Variants in TKFC observed in about 807,000 individuals in gnomAD.
The protein encoded by TKFC is triokinase and FMN cyclase.
In TKFC, 46 loss-of-function variants were observed where a neutral mutation model predicts 61.0. That is an observed-to-expected ratio of 0.75 (90% CI 0.60 to 0.96). The LOEUF (loss-of-function observed/expected upper bound fraction) is 0.96. Among genes scored for constraint, TKFC ranks in the 50% least tolerant of loss-of-function variants. TKFC has a pLI of 0.00. For missense variants in TKFC, 715 were observed against 777.5 expected (o/e 0.92, Z 0.96); for synonymous variants, 314 against 330.1 (o/e 0.95, Z 0.53).
At chr11:61,342,045 G>T in intron 7 of TKFC, 133 bp downstream of exon 7, 1 of 885,030 alleles carries the variant, frequency 1.1e-6, no homozygotes. Flanking sequence ...GTCATTTGAG[G>T]CCCAGCCTGG....
At chr11:61,350,161 C>G, downstream of TKFC, 1 of 595,908 alleles carries the variant, frequency 1.7e-6, no homozygotes, top group East Asian at 2.8e-5. Context: ...CCAAGGAAAG[C>G]AGACAGGCAG....
intron 10 of TKFC, 83 bp from the exon 11 acceptor site, chr11:61,343,259 C>T: frequency 7.6e-7 from 1 of 1,313,184 alleles, no homozygotes; most frequent in Non-Finnish European, 1.1e-6. Context: ...AGAGCCCCAG[C>T]TTCCAAGGTC....
chr11:61,338,005 C>T lies in TKFC; in HGVS notation c.68C>T (p.Ala23Val). ...GATGACGCTCTTGCTGGCCTGGTGGCCTGCAACCCCAACCTGCAGCTCCTG... is the reference window on the plus strand; with the variant it reads ...GATGACGCTCTTGCTGGCCTGGTGGTCTGCAACCCCAACCTGCAGCTCCTG... ...CADDALAGLV[A>V]CNPNLQLLQG... Residue 23 changes from alanine to valine, a missense_variant, in exon 3 of 18, where the codon GCC becomes GTC. Ala to Val is a moderately conservative substitution (Grantham distance 64). Coordinates refer to ENST00000394900, the MANE Select transcript of TKFC (RefSeq NM_015533.4). 2 of 1,613,556 alleles carry T rather than the reference C, an allele frequency of 1.2e-6. No individual in the cohort carries two copies. The highest frequency in any genetic ancestry group is 1.7e-6 in the Non-Finnish European group (2 of 1,179,802).
At chr11:61,343,621 G>A in intron 11 of TKFC, 163 bp downstream of exon 11, 1 of 849,518 alleles carries the variant, frequency 1.2e-6, no homozygotes, top group South Asian at 1.7e-5. Flanking sequence ...GCTCTCACTG[G>A]ACTAGAAGGA....
chr11:61,333,271 C>T lies in TKFC; in HGVS notation c.-168C>T. 1 of 277,748 alleles carries T rather than the reference C, an allele frequency of 3.6e-6. No individual in the cohort carries two copies. Among genetic ancestry groups the T allele is most frequent in the Non-Finnish European group, 6.7e-6 (1 of 149,178 alleles). The allele number at this position is 277,748 out of a possible 1,614,324, so 17.2% of individuals were successfully genotyped here. On this transcript the variant is annotated 5_prime_UTR_variant, in exon 1 of 18. Coordinates refer to ENST00000394900, the MANE Select transcript of TKFC (RefSeq NM_015533.4). Reference sequence around the variant, plus strand: ...CGGATGAGAGCGCACGCTTCGGGGTCTCCGGGAAGTCGCGGCGCCTTCGGA... The same window carrying T: ...CGGATGAGAGCGCACGCTTCGGGGTTTCCGGGAAGTCGCGGCGCCTTCGGA...
At chr11:61,350,218 G>C (rs981467823), downstream of TKFC, 1 of 752,316 alleles carries the variant, frequency 1.3e-6, no homozygotes, top group African/African-American at 1.8e-5. Context: ...AAGCCACCAA[G>C]GAAAGCAGAC....
In TKFC at chr11:61,347,052, C is replaced by A. The variant is rs75355437; in HGVS notation, c.*549C>A. The A allele has an allele frequency of 0.012, 11,988 of 985,792 alleles. 871 individuals carry two copies. The African/African-American group carries it at 0.16, about 13-fold the overall frequency. 61.1% of individuals were successfully genotyped at this position (985,792 alleles called of 1,614,324 possible). ...TACCTGAGCCCCTAAGGCAGTGTCTCCTCAGCTGGGCTGCTTCCACTGAGA... is the reference window on the plus strand; with the variant it reads ...TACCTGAGCCCCTAAGGCAGTGTCTACTCAGCTGGGCTGCTTCCACTGAGA... On this transcript the variant is annotated 3_prime_UTR_variant, in exon 18 of 18. Coordinates refer to ENST00000394900, the MANE Select transcript of TKFC (RefSeq NM_015533.4).
At chr11:61,344,368 T>C in intron 13 of TKFC, 95 bp downstream of exon 13, 2 of 1,458,486 alleles carry the variant, frequency 1.4e-6, no homozygotes, top group South Asian at 1.4e-5. Flanking sequence ...CCTTTTTTTT[T>C]TTTTTTTTTT....
rs754613255 is a variant in TKFC at position 61,334,736 on chromosome 11, G to C, written c.3+5G>C. 6.2e-7 allele frequency: 1 copy of C among 1,614,122 alleles called. No homozygotes were observed. Among genetic ancestry groups the C allele is most frequent in the Non-Finnish European group, 8.5e-7 (1 of 1,179,992 alleles). ...TTTCAGAGCCTCCACACCATGGTGA[G>C]TCATACAGGGCCGGGACGGGAATGG... On this transcript the variant is annotated splice_donor_5th_base_variant and intron_variant, in intron 2 of 17. Coordinates refer to ENST00000394900, the MANE Select transcript of TKFC (RefSeq NM_015533.4).
chr11:61,339,543 CT>C (rs887679588), intron 5 of TKFC, 108 bp downstream of exon 5: 154 of 1,282,278 alleles, frequency 1.2e-4, no homozygotes, highest in Non-Finnish European at 1.5e-4. Flanking sequence ...GAAGCTAGTT[CT>C]TTTTCTCCAG....
chr11:61,346,121 G>A lies in TKFC; in HGVS notation c.1575+175G>A, dbSNP rs972124868. ...TTATGTGGCTAAGGAAATATGTAGA[G>A]CCCCGCACACTGCCTGGGATGTGAC... On this transcript the variant is annotated intron_variant, in intron 17 of 17. Transcript: ENST00000394900. The surrounding 1 kb of genome is among the most constrained non-coding windows in gnomAD (Gnocchi z 4.1). The A allele has an allele frequency of 2.4e-5, 28 of 1,158,256 alleles. No individual in the cohort carries two copies. The Admixed American group carries it at 6.8e-4, about 28-fold the overall frequency. 71.7% of individuals were successfully genotyped at this position (1,158,256 alleles called of 1,614,324 possible). A position where few individuals can be genotyped will look rare whatever the true frequency, so the allele number is the denominator to read the frequency against.
intron 9 of TKFC, 43 bp downstream of exon 9, chr11:61,342,701 T>C (rs773334286): frequency 1.9e-5 from 30 of 1,613,212 alleles, no homozygotes; most frequent in African/African-American, 2.7e-5. Context: ...CTCCTAAACC[T>C]CTGGGGAGGA....
rs1856961580 is a variant in TKFC, at chr11:61,343,386, A to G, written c.910A>G (p.Met304Val). The G allele has an allele frequency of 1.2e-6, 2 of 1,613,958 alleles. No homozygotes were observed. The highest frequency in any genetic ancestry group is 1.7e-5 in the Admixed American group (1 of 60,004). Residue 304 changes from methionine to valine, a missense_variant, in exon 11 of 18, where the codon ATG becomes GTG. Coordinates refer to ENST00000394900, the MANE Select transcript of TKFC (RefSeq NM_015533.4). Reference protein sequence around the residue: ...KIARALVGTFMSALEMPGISL... With the variant: ...KIARALVGTFVSALEMPGISL... Reference sequence around the variant, plus strand: ...TGCCCGTGCCCTGGTGGGCACCTTCATGTCAGCACTGGAGATGCCTGGCAT... The same window carrying G: ...TGCCCGTGCCCTGGTGGGCACCTTCGTGTCAGCACTGGAGATGCCTGGCAT...
At position 61,333,315 on chromosome 11, in the gene TKFC, G is replaced by C; in HGVS notation, c.-124G>C. On this transcript the variant is annotated 5_prime_UTR_variant, in exon 1 of 18. It removes the in-frame stop codon of an upstream open reading frame in the 5' UTR. Transcript: ENST00000394900. The stretch of plus-strand genomic sequence containing the variant: ...CTTCGGATGTGGCGGATGCGGCCGT[G>C]AGCCGGCGGGGGAGGTGCGCCAGTG... 5.0e-6 allele frequency: 1 copy of C among 200,530 alleles called. No individual in the cohort carries two copies. Among genetic ancestry groups the C allele is most frequent in the Non-Finnish European group, 1.0e-5 (1 of 99,752 alleles). 12.4% of individuals were successfully genotyped at this position (200,530 alleles called of 1,614,324 possible).
At position 61,346,179 on chromosome 11, in the gene TKFC, C is replaced by T; in HGVS notation, c.1576-172C>T. ...CAGTGAATGGTGACCCTTTTCCCTG[C>T]TGGAAGTAGATGAGAAGTGACTTTC... is the stretch of plus-strand genomic sequence containing the variant. On this transcript the variant is annotated intron_variant, in intron 17 of 17. Coordinates refer to ENST00000394900, the MANE Select transcript of TKFC (RefSeq NM_015533.4). This position sits in a 1 kb window ranked among gnomAD's most constrained non-coding sequence, Gnocchi z 4.1. 1 of 1,462,224 alleles carries T rather than the reference C, an allele frequency of 6.8e-7. No individual in the cohort carries two copies. The highest frequency in any genetic ancestry group is 1.3e-5 in the South Asian group (1 of 75,386). The allele number at this position is 1,462,224 out of a possible 1,614,324, so 90.6% of individuals were successfully genotyped here.
chr11:61,334,577 T>G (rs1856522968), intron 1 of TKFC, 43 bp from the exon 2 acceptor site: 1 of 977,834 alleles, frequency 1.0e-6, no homozygotes, highest in Non-Finnish European at 1.6e-6. Context: ...GCCAGTCGAC[T>G]GCGAGTTCCT....
chr11:61,349,511 C>T (rs953856775), downstream of TKFC: 10 of 702,118 alleles, frequency 1.4e-5, no homozygotes, highest in African/African-American at 1.4e-4. Context: ...TGTTACTCAT[C>T]GCTACTGGGA....
Position 61,334,732 on chromosome 11 carries a change from G to A in TKFC, c.3+1G>A. The A allele has an allele frequency of 2.5e-6, 4 of 1,614,132 alleles. No individual in the cohort carries two copies. The highest frequency in any genetic ancestry group is 3.4e-6 in the Non-Finnish European group (4 of 1,180,016). On this transcript the variant is annotated splice_donor_variant, in intron 2 of 17. Transcript: ENST00000394900. LOFTEE classifies it high-confidence loss of function. Reference sequence around the variant, plus strand: ...CCTGTTTCAGAGCCTCCACACCATGGTGAGTCATACAGGGCCGGGACGGGA... The same window carrying A: ...CCTGTTTCAGAGCCTCCACACCATGATGAGTCATACAGGGCCGGGACGGGA...
chr11:61,346,038 C>A lies in TKFC; in HGVS notation c.1575+92C>A. ...TGACCCTGAGCAAGTTAATAACCTTCCTGGACCGCAGTTTCCTTCTCTGTA... is the reference window on the plus strand; with the variant it reads ...TGACCCTGAGCAAGTTAATAACCTTACTGGACCGCAGTTTCCTTCTCTGTA... On this transcript the variant is annotated intron_variant, in intron 17 of 17. Coordinates refer to ENST00000394900, the MANE Select transcript of TKFC (RefSeq NM_015533.4). This position sits in a 1 kb window ranked among gnomAD's most constrained non-coding sequence, Gnocchi z 4.1. 7.3e-7 allele frequency: 1 copy of A among 1,361,840 alleles called. No homozygotes were observed. The highest frequency in any genetic ancestry group is 1.0e-6 in the Non-Finnish European group (1 of 985,072). The allele number at this position is 1,361,840 out of a possible 1,614,324, so 84.4% of individuals were successfully genotyped here.
Sources: gnomAD v4.1 joint callset for allele counts on GRCh38, gnomAD v4.1.1 for gene constraint, Gnocchi (gnomAD v3.1) non-coding constraint, MANE v1.5 for transcripts, NCBI Gene and HGNC (gene_info 2026-07-23, HGNC 2026-07-21) for gene names.